CPLANE1: variants seen among roughly 807,000 people sequenced by gnomAD.
CPLANE1 encodes the protein ciliogenesis and planar polarity effector 1.
Under a neutral mutation model 362.5 loss-of-function variants are expected in CPLANE1, and 263 were observed. The observed-to-expected ratio is 0.73, with a 90% CI of 0.66 to 0.80. The LOEUF is 0.80. Among genes scored for constraint, CPLANE1 ranks in the 30% least tolerant of loss-of-function variants. The pLI, the probability that CPLANE1 is intolerant of heterozygous loss-of-function variation, is 0.00. For synonymous variants in CPLANE1, 1,212 were observed against 1,302.6 expected (o/e 0.93, Z 1.50); for missense variants, 3,461 against 3,793.4 (o/e 0.91, Z 2.30).
intron 2 of CPLANE1, among the ~76,000 whole-genome samples, chr5:37,247,199 T>C (rs1431843622): frequency 6.6e-6 from 1 of 152,204 alleles, no homozygotes; most frequent in Non-Finnish European, 1.5e-5. Flanking sequence ...TTGTGGCCCA[T>C]TTCTTCCATC....
At chr5:37,192,714 A>G (rs1026938695) in intron 21 of CPLANE1, among the ~76,000 whole-genome samples, 10 of 150,944 alleles carry the variant, frequency 6.6e-5, no homozygotes, top group Non-Finnish European at 1.3e-4. Context: ...AATACAAAAA[A>G]TTAGCTGGGT....
At chr5:37,085,855 T>C in the CPLANE1 span, 5 of 1,155,880 alleles carry the variant, frequency 4.3e-6, no homozygotes, top group South Asian at 6.1e-5. Flanking sequence ...GTGGGTGAAA[T>C]GGTCCCTGGG....
chr5:37,120,082 A>G (rs925973475), intron 50 of CPLANE1, 134 bp downstream of exon 50: 1 of 851,606 alleles, frequency 1.2e-6, no homozygotes, highest in East Asian at 3.1e-5. Context: ...AGTCTTTATC[A>G]ATGCCTCGCC....
intron 46 of CPLANE1, among the ~76,000 whole-genome samples, chr5:37,132,971 A>G (rs1766419535): frequency 6.6e-6 from 1 of 152,194 alleles, no homozygotes; most frequent in African/African-American, 2.4e-5. Flanking sequence ...GTAGGGGTCC[A>G]GTTTCATTCT....
At chr5:37,123,098 G>A (rs1158735157) in intron 47 of CPLANE1, among the ~76,000 whole-genome samples, 1 of 152,122 alleles carries the variant, frequency 6.6e-6, no homozygotes, top group African/African-American at 2.4e-5. Flanking sequence ...TAATAAAGCA[G>A]AAATTAGACA....
Position 37,178,066 on chromosome 5 carries a change from C to T in CPLANE1, c.5821-366G>A, listed in dbSNP as rs184582458. On this transcript the variant is annotated intron_variant, in intron 29 of 52. Coordinates refer to ENST00000651892, the MANE Select transcript of CPLANE1 (RefSeq NM_001384732.1). ...TTTGAAAGAATTGTTACAAGGCAGG[C>T]AGATCTACTTGAGGTCAGGAGCTCA... Among the ~76,000 whole-genome samples, 4 of 152,198 alleles carry T rather than the reference C, an allele frequency of 2.6e-5. No individual in the cohort carries two copies. The East Asian group carries it at 7.7e-4, about 29-fold the overall frequency.
intron 16 of CPLANE1, chr5:37,212,228 A>C: frequency 6.9e-7 from 1 of 1,443,686 alleles, no homozygotes; most frequent in East Asian, 2.3e-5. Context: ...CTTTAGAGAA[A>C]TACATGAAAA....
chr5:37,245,029 G>A (rs1739058186), intron 4 of CPLANE1, among the ~76,000 whole-genome samples: 1 of 151,864 alleles, frequency 6.6e-6, no homozygotes, highest in South Asian at 2.1e-4. Context: ...GCTGGCGCCT[G>A]TAGTCCCAGC....
At position 37,238,487 on chromosome 5, in the gene CPLANE1, C is replaced by CTTTTTTT. The variant is rs869153501; in HGVS notation, c.938+363_938+369dup. Among the ~76,000 whole-genome samples the CTTTTTTT allele has an allele frequency of 3.2e-3, 257 of 80,534 alleles. 2 individuals carry two copies. Among genetic ancestry groups the CTTTTTTT allele is most frequent in the Non-Finnish European group, 3.8e-3 (164 of 42,996 alleles). The allele number at this position is 80,534 out of a possible 152,430, so 52.8% of individuals were successfully genotyped here. On this transcript the variant is annotated intron_variant, in intron 8 of 52. Coordinates refer to ENST00000651892, the MANE Select transcript of CPLANE1 (RefSeq NM_001384732.1). ...CGTGAGCCACAGCGCCCAGCCTTTT[C>CTTTTTTT]TTTTTTTTTTTTTTTTTTTTTTTTT...
intron 16 of CPLANE1, chr5:37,211,953 T>G (rs1239386814): frequency 1.2e-6 from 1 of 840,098 alleles, no homozygotes; most frequent in Non-Finnish European, 2.1e-6. Context: ...GCCCCTCTCA[T>G]ATCAGCACCC....
downstream of CPLANE1, among the ~76,000 whole-genome samples, chr5:37,102,662 T>C (rs541780005): frequency 6.6e-6 from 1 of 152,350 alleles, no homozygotes; most frequent in Admixed American, 6.5e-5. Context: ...AATTTCATTA[T>C]TTACTCAGGA....
intron 49 of CPLANE1, 75 bp downstream of exon 49, chr5:37,121,542 G>T: frequency 7.3e-7 from 1 of 1,376,426 alleles, no homozygotes; most frequent in Non-Finnish European, 1.0e-6. Context: ...CTGAACTTAG[G>T]TCACGAAAGT....
chr5:37,231,077 A>C, intron 8 of CPLANE1, 28 bp from the exon 9 acceptor site: 1 of 1,454,916 alleles, frequency 6.9e-7, no homozygotes, highest in Non-Finnish European at 9.1e-7. Context: ...CAACATGTTT[A>C]GAAGAGATAC....
At chr5:37,186,063 TACTG>T (rs1783888750) in intron 24 of CPLANE1, among the ~76,000 whole-genome samples, 1 of 152,208 alleles carries the variant, frequency 6.6e-6, no homozygotes, top group African/African-American at 2.4e-5. Context: ...ATCGCACAGT[TACTG>T]ACTGACAGAG....
chr5:37,131,772 C>T (rs1247819816), intron 46 of CPLANE1, among the ~76,000 whole-genome samples: 3 of 152,030 alleles, frequency 2.0e-5, no homozygotes, highest in South Asian at 2.1e-4. Context: ...CCTCCTGATC[C>T]GCCCACCTCA....
the CPLANE1 span, among the ~76,000 whole-genome samples, chr5:37,088,245 T>C: frequency 6.6e-6 from 1 of 152,322 alleles, no homozygotes; most frequent in East Asian, 1.9e-4. Flanking sequence ...TGATATCTTA[T>C]CGTTGCAACT....
In CPLANE1 at chr5:37,173,882, T is replaced by C. The variant is rs545125265; in HGVS notation, c.6044A>G (p.Asn2015Ser). The change falls in exon 32 of 53, where the codon AAT (asparagine) becomes AGT (serine). Residue 2015 changes from asparagine to serine, a missense_variant. Transcript: ENST00000651892. ...TGGAGCAGGTGGTTGTGAAGCAACA[T>C]TGACTCCATTTGATATCAGAAGTGG... is the stretch of plus-strand genomic sequence containing the variant. Reference protein sequence around the residue: ...SVPLLISNGVNVASQPPAPTP... With the variant: ...SVPLLISNGVSVASQPPAPTP... The C allele has an allele frequency of 8.2e-5, 132 of 1,614,170 alleles. No individual in the cohort carries two copies. In the East Asian group the frequency reaches 2.6e-3, roughly 32 times the overall value.
intron 9 of CPLANE1, among the ~76,000 whole-genome samples, chr5:37,229,233 A>T (rs924046376): frequency 1.4e-5 from 2 of 147,816 alleles, no homozygotes; most frequent in Non-Finnish European, 3.0e-5. Flanking sequence ...AAAAAAAAAA[A>T]TTAAATTAAA....
downstream of CPLANE1, among the ~76,000 whole-genome samples, chr5:37,104,716 G>C (rs1192820025): frequency 1.3e-5 from 2 of 151,768 alleles, no homozygotes; most frequent in East Asian, 3.9e-4. Context: ...GGCCAGCCTG[G>C]CCAACATTGT....
Sources: allele counts gnomAD v4.1 joint callset (sites outside exome capture counted in the v4.1 genomes callset), GRCh38; gene constraint gnomAD v4.1.1; transcripts MANE v1.5; gene names NCBI Gene and HGNC (gene_info 2026-07-23, HGNC 2026-07-21).